The following ARMCX4 variants were observed in gnomAD, a reference collection of about 807,000 sequenced individuals.
ARMCX4 encodes the protein armadillo repeat containing X-linked 4, also known as armadillo repeat-containing X-linked protein 4.
Under a neutral mutation model 34.7 loss-of-function variants are expected in ARMCX4, and 3 were observed. The ratio of observed to expected loss-of-function variants is 0.09; its 90% CI spans 0.04 to 0.22. The LOEUF is 0.22. Ranked by LOEUF, ARMCX4 falls within the 10% of genes least tolerant of loss-of-function variation. The probability of loss-of-function intolerance (pLI) is 1.00; values close to 1 mark genes in which losing one functional copy is unlikely to be tolerated. For synonymous variants in ARMCX4, 513 were observed against 632.8 expected, an observed-to-expected ratio of 0.81 and a Z score of 2.84; for missense variants, 1,448 against 1,720.8, an observed-to-expected ratio of 0.84 and a Z score of 2.81.
intron 4 of ARMCX4, among the ~76,000 whole-genome samples, chrX:101,474,641 A>G (rs1437039504): frequency 2.8e-5 from 3 of 105,680 alleles, no homozygotes; most frequent in African/African-American, 1.0e-4. Context: ...CCTGGGATGC[A>G]AGGCTGGTTC....
chrX:101,518,202 C>T (rs926654559), intron 11 of ARMCX4, among the ~76,000 whole-genome samples: 5 of 111,214 alleles, frequency 4.5e-5, no homozygotes, highest in Non-Finnish European at 7.6e-5. Flanking sequence ...AAGTTTAATG[C>T]AATTGTTTGT....
chrX:101,516,082 A>T (rs1205656135), intron 11 of ARMCX4, among the ~76,000 whole-genome samples: 1 of 112,067 alleles, frequency 8.9e-6, no homozygotes, highest in Non-Finnish European at 1.9e-5. Context: ...GTTTGTTGAG[A>T]TAACAGTTAT....
chrX:101,494,042 G>C lies in ARMCX4; in HGVS notation c.5453G>C (p.Gly1818Ala), dbSNP rs781976966. 1.6e-6 allele frequency: 1 copy of C among 630,532 alleles called. No homozygotes were observed. Among genetic ancestry groups the C allele is most frequent in the Non-Finnish European group, 2.2e-6 (1 of 448,272 alleles). 52.0% of individuals were successfully genotyped at this position (630,532 alleles called of 1,213,427 possible). ...GAEAGAGAEA[G>A]AGAEAGAGAG... ...GAGGCTGGGGCTGGGGCTGAGGCTGGGGCTGGGGCTGAGGCTGGGGCTGGG... is the reference window on the plus strand; with the variant it reads ...GAGGCTGGGGCTGGGGCTGAGGCTGCGGCTGGGGCTGAGGCTGGGGCTGGG... Residue 1818 changes from glycine (G) to alanine (A), a missense_variant, in exon 6 of 6, where the codon GGG becomes GCG. Around this residue, in one of 2 missense-constraint regions of ARMCX4, gnomAD observed 1,343 missense variants for 1,540.7 expected, o/e 0.87. Transcript: ENST00000423738.
chrX:101,446,725 G>T (rs1268650433), downstream of ARMCX4, among the ~76,000 whole-genome samples: 1 of 110,491 alleles, frequency 9.1e-6, no homozygotes, highest in African/African-American at 3.3e-5. Context: ...GGATGCTGAG[G>T]CGGGTGGATC....
At chrX:101,478,412 T>G (rs1476786653) in intron 4 of ARMCX4, among the ~76,000 whole-genome samples, 1 of 111,773 alleles carries the variant, frequency 8.9e-6, no homozygotes, top group Non-Finnish European at 1.9e-5. Context: ...TTTCACCAGA[T>G]CTCTCCTAAT....
intron 11 of ARMCX4, among the ~76,000 whole-genome samples, chrX:101,529,079 AACTATACT>A (rs781812329): frequency 2.8e-4 from 31 of 111,830 alleles, no homozygotes; most frequent in Non-Finnish European, 4.3e-4. Flanking sequence ...CCTGACTTCA[AACTATACT>A]ACAAGGCTAC....
At chrX:101,465,383 T>C (rs1556001803) in intron 4 of ARMCX4, among the ~76,000 whole-genome samples, 1 of 111,823 alleles carries the variant, frequency 8.9e-6, no homozygotes, top group Admixed American at 9.5e-5. Flanking sequence ...GCTGATGTAG[T>C]TGTATTAATA....
intron 11 of ARMCX4, among the ~76,000 whole-genome samples, chrX:101,521,410 G>T (rs1321880247): frequency 9.0e-6 from 1 of 110,923 alleles, no homozygotes; most frequent in African/African-American, 3.3e-5. Flanking sequence ...TAATTTCCCT[G>T]TTTCATTCTT....
chrX:101,431,746 T>C (rs1316107343), intron 2 of ARMCX4, among the ~76,000 whole-genome samples: 1 of 111,707 alleles, frequency 9.0e-6, no homozygotes, highest in African/African-American at 3.3e-5. Context: ...GGTTTCATTG[T>C]GTTAGCCAGG....
chrX:101,516,419 A>G (rs1483525604), intron 11 of ARMCX4: 1 of 111,946 alleles, frequency 8.9e-6, no homozygotes, highest in Non-Finnish European at 1.9e-5. Context: ...ATTGTTATCA[A>G]TAAAATAATA....
At chrX:101,512,314 T>C (rs1934597784) in intron 11 of ARMCX4, among the ~76,000 whole-genome samples, 1 of 111,595 alleles carries the variant, frequency 9.0e-6, no homozygotes, top group African/African-American at 3.3e-5. Context: ...GAGGTTGCAG[T>C]GAGCTGTGAT....
Position 101,492,429 on chromosome X carries a change from A to AGCTGGG in ARMCX4, c.3847_3852dup (p.Ala1283_Gly1284dup). On this transcript the variant is annotated inframe_insertion, in exon 6 of 6. Transcript: ENST00000423738. ...AAGCCAGTGAAGGGTCTTGGGCTGG[A>AGCTGGG]GCTGGGGCTGGGAATATGAGTAGTG... The AGCTGGG allele has an allele frequency of 8.7e-7, 1 of 1,149,024 alleles. No homozygotes were observed. The highest frequency in any genetic ancestry group is 1.1e-6 in the Non-Finnish European group (1 of 870,667). 94.7% of individuals were successfully genotyped at this position (1,149,024 alleles called of 1,213,427 possible). A position where few individuals can be genotyped will look rare whatever the true frequency, so the allele number is the denominator to read the frequency against.
At chrX:101,462,427 G>C (rs1007530756) in intron 4 of ARMCX4, among the ~76,000 whole-genome samples, 1 of 110,644 alleles carries the variant, frequency 9.0e-6, no homozygotes, top group Non-Finnish European at 1.9e-5. Context: ...AGATCACAAG[G>C]TCAGGAGATC....
At chrX:101,500,410 T>G (rs1223870264), downstream of ARMCX4, among the ~76,000 whole-genome samples, 1 of 111,867 alleles carries the variant, frequency 8.9e-6, no homozygotes, top group Non-Finnish European at 1.9e-5. Flanking sequence ...CTGGCCAAGA[T>G]AGTAAATGAA....
At chrX:101,503,696 A>G (rs1934366277) in intron 7 of ARMCX4, among the ~76,000 whole-genome samples, 1 of 111,711 alleles carries the variant, frequency 9.0e-6, no homozygotes, top group Non-Finnish European at 1.9e-5. Context: ...GCCCTTTGTC[A>G]GATGAGTAGA....
chrX:101,449,678 A>G (rs1361817038), downstream of ARMCX4, among the ~76,000 whole-genome samples: 4 of 112,149 alleles, frequency 3.6e-5, no homozygotes, highest in African/African-American at 9.7e-5. Context: ...TGTCTAAAAG[A>G]TAGCATGTCT....
At position 101,493,731 on chromosome X, in the gene ARMCX4, G is replaced by A. The variant is rs1556010493; in HGVS notation, c.5142G>A (p.Glu1714=). Residue 1714 remains glutamate (E), a synonymous_variant, in exon 6 of 6, where the codon GAG becomes GAA. Coordinates refer to ENST00000423738, the MANE Select transcript of ARMCX4 (RefSeq NM_001256155.3). ...CTGGAGGATCCTGGGCTAGATCTGA[G>A]GACCAGGCCAGTGGAAGGTTCCAGG... is the stretch of plus-strand genomic sequence containing the variant. ...QATGGSWARS[E]DQASGRFQVS... The A allele has an allele frequency of 6.9e-6, 8 of 1,151,188 alleles. No homozygotes were observed. The Admixed American group carries it at 1.8e-4, about 26-fold the overall frequency. The allele number at this position is 1,151,188 out of a possible 1,213,427, so 94.9% of individuals were successfully genotyped here.
At chrX:101,439,578 A>G (rs1407937463) in intron 2 of ARMCX4, among the ~76,000 whole-genome samples, 1 of 111,975 alleles carries the variant, frequency 8.9e-6, no homozygotes, top group Admixed American at 9.5e-5. Context: ...ATGTTTTCCA[A>G]CTTGGTTCCA....
At chrX:101,449,854 T>C (rs1365370427), downstream of ARMCX4, among the ~76,000 whole-genome samples, 1 of 111,269 alleles carries the variant, frequency 9.0e-6, no homozygotes, top group Non-Finnish European at 1.9e-5. Flanking sequence ...CCTATCTTTC[T>C]TGGGAAGGCT....
Sources: allele counts gnomAD v4.1 joint callset (sites outside exome capture counted in the v4.1 genomes callset), GRCh38; gene constraint gnomAD v4.1.1; regional missense constraint gnomAD v4.1.1; transcripts MANE v1.5; gene names NCBI Gene and HGNC (gene_info 2026-07-23, HGNC 2026-07-21).